The following KLHL5 variants were observed in gnomAD, a reference collection of about 807,000 sequenced individuals.
The protein encoded by KLHL5 is kelch like family member 5, also known as kelch-like protein 5.
KLHL5 carries 48 observed loss-of-function variants against 77.7 expected under a neutral mutation model. That is an observed-to-expected ratio of 0.62 (90% confidence interval 0.49 to 0.79). The LOEUF is 0.79. KLHL5 is among the 30% of genes least tolerant of loss of function. The pLI is 0.00. For synonymous variants in KLHL5, 260 were observed against 297.0 expected, an observed-to-expected ratio of 0.88 and a Z score of 1.28; for missense variants, 723 against 859.7, an observed-to-expected ratio of 0.84 and a Z score of 1.99.
Position 39,086,736 on chromosome 4 carries a change from T to C in KLHL5, c.1113+9T>C. 1 of 1,592,020 alleles carries C rather than the reference T, an allele frequency of 6.3e-7. No homozygotes were observed. The highest frequency in any genetic ancestry group is 8.6e-7 in the Non-Finnish European group (1 of 1,160,170). On this transcript the variant is annotated intron_variant, in intron 5 of 10. Coordinates refer to ENST00000504108, the MANE Select transcript of KLHL5 (RefSeq NM_015990.5). ...CTCTTCTTGCACCACAGGTAATTAATAGGCACTTGTTTATAGGAATTTTTC... is the reference window on the plus strand; with the variant it reads ...CTCTTCTTGCACCACAGGTAATTAACAGGCACTTGTTTATAGGAATTTTTC...
At chr4:39,062,169 A>G (rs1161812184), upstream of KLHL5, 3 of 820,888 alleles carry the variant, frequency 3.7e-6, no homozygotes, top group Non-Finnish European at 4.5e-6. Context: ...GGGAAATGCT[A>G]TAGAATACAT....
chr4:39,142,548 T>C, the KLHL5 span, among the ~76,000 whole-genome samples: 1 of 152,184 alleles, frequency 6.6e-6, no homozygotes, highest in African/African-American at 2.4e-5. Context: ...ACTCATCCTA[T>C]GATCCAGCAA....
chr4:39,114,641 A>C (rs1330233419), intron 9 of KLHL5, among the ~76,000 whole-genome samples: 4 of 152,208 alleles, frequency 2.6e-5, no homozygotes, highest in Non-Finnish European at 5.9e-5. Context: ...AAGTGTTTAT[A>C]TACTTGGCCC....
upstream of KLHL5, among the ~76,000 whole-genome samples, chr4:39,061,006 T>G (rs149430805): frequency 6.8e-4 from 104 of 152,318 alleles, no homozygotes; most frequent in African/African-American, 2.4e-3. Flanking sequence ...TATGCCCACT[T>G]CATGCTTTTA....
At chr4:39,073,833 T>C (rs926230430) in intron 1 of KLHL5, among the ~76,000 whole-genome samples, 3 of 150,462 alleles carry the variant, frequency 2.0e-5, no homozygotes, top group Non-Finnish European at 4.4e-5. Context: ...TTTTTATTTT[T>C]TTTTTTGTAT....
chr4:39,114,764 T>A (rs1334377581), intron 9 of KLHL5, among the ~76,000 whole-genome samples: 1 of 152,172 alleles, frequency 6.6e-6, no homozygotes, highest in Non-Finnish European at 1.5e-5. Flanking sequence ...CTCTTAGCTA[T>A]ACAACTTTGG....
chr4:39,127,415 G>A (rs373682781), downstream of KLHL5, among the ~76,000 whole-genome samples: 135 of 152,178 alleles, frequency 8.9e-4, no homozygotes, highest in African/African-American at 2.6e-3. Context: ...CAAAAAGGAC[G>A]TAGAGTAAAT....
intron 5 of KLHL5, 34 bp from the exon 6 acceptor site, chr4:39,096,658 T>G (rs375932552): frequency 7.2e-7 from 1 of 1,397,278 alleles, no homozygotes; most frequent in Non-Finnish European, 9.8e-7. Context: ...ATTTTCTTAG[T>G]CATTCAGTAT....
At chr4:39,087,704 C>T (rs1303823686) in intron 5 of KLHL5, among the ~76,000 whole-genome samples, 1 of 152,140 alleles carries the variant, frequency 6.6e-6, no homozygotes, top group African/African-American at 2.4e-5. Context: ...AAAATTTTCC[C>T]TGCATACTTT....
intron 1 of KLHL5, among the ~76,000 whole-genome samples, chr4:39,075,723 T>G (rs1349633877): frequency 6.6e-6 from 1 of 152,186 alleles, no homozygotes; most frequent in African/African-American, 2.4e-5. Flanking sequence ...AAAAAGATAC[T>G]ACAAAGAATA....
downstream of KLHL5, among the ~76,000 whole-genome samples, chr4:39,130,193 TA>T (rs575993379): frequency 1.6e-3 from 237 of 152,320 alleles, no homozygotes; most frequent in African/African-American, 5.1e-3. Context: ...CCCACATACT[TA>T]TTAACAGCAA....
rs1723220275 is a variant in KLHL5, at chr4:39,121,699, A to C, written c.*633A>C. The stretch of plus-strand genomic sequence containing the variant: ...TTGATAGGATCTTTGAAGTCTATTT[A>C]AATATTCATTCCATTACATCTAGAC... On this transcript the variant is annotated 3_prime_UTR_variant, in exon 11 of 11. Coordinates refer to ENST00000504108, the MANE Select transcript of KLHL5 (RefSeq NM_015990.5). 6.5e-6 allele frequency: 1 copy of C among 152,716 alleles called. No individual in the cohort carries two copies. Among genetic ancestry groups the C allele is most frequent in the African/African-American group, 2.4e-5 (1 of 41,460 alleles). The allele number at this position is 152,716 out of a possible 1,614,324, so 9.5% of individuals were successfully genotyped here.
chr4:39,135,984 G>T, the KLHL5 span, among the ~76,000 whole-genome samples: 392 of 150,822 alleles, frequency 2.6e-3, 2 homozygotes, highest in African/African-American at 8.6e-3. Context: ...AAAAGGGACA[G>T]TGATTCAATT....
chr4:39,115,479 C>G, intron 10 of KLHL5, 149 bp downstream of exon 10: 1 of 1,508,778 alleles, frequency 6.6e-7, no homozygotes, highest in East Asian at 2.5e-5. Context: ...GAAAAAGAGG[C>G]AATGTTTAAT....
the KLHL5 span, among the ~76,000 whole-genome samples, chr4:39,132,822 A>T: frequency 1.3e-5 from 2 of 152,224 alleles, no homozygotes; most frequent in Admixed American, 1.3e-4. Flanking sequence ...TGTTCATTTC[A>T]TTACACTAAG....
rs1717551805 is a variant in KLHL5, at chr4:39,062,800, G to A, written c.148G>A (p.Gly50Arg). Residue 50 changes from glycine to arginine, a missense_variant, in exon 1 of 11, where the codon GGG becomes AGG. This residue lies in a region of KLHL5 where 221 missense variants were observed against 222.1 expected (regional missense o/e 1.00). Coordinates refer to ENST00000504108, the MANE Select transcript of KLHL5 (RefSeq NM_015990.5). ...CCGAGGACAGACTGGAGCAAACGGTGGGAGAAAGTTTTTAGATCCATGTAG... is the reference window on the plus strand; with the variant it reads ...CCGAGGACAGACTGGAGCAAACGGTAGGAGAAAGTTTTTAGATCCATGTAG... Reference protein sequence around the residue: ...WNRGQTGANGGRKFLDPCSLQ... With the variant: ...WNRGQTGANGRRKFLDPCSLQ... 2 of 1,614,090 alleles carry A rather than the reference G, an allele frequency of 1.2e-6. No homozygotes were observed. Among genetic ancestry groups the A allele is most frequent in the Non-Finnish European group, 1.7e-6 (2 of 1,179,984 alleles).
At chr4:39,128,227 T>C (rs1172636257), downstream of KLHL5, among the ~76,000 whole-genome samples, 1 of 152,216 alleles carries the variant, frequency 6.6e-6, no homozygotes, top group Non-Finnish European at 1.5e-5. Context: ...CCACTAATTA[T>C]TCATTGAATA....
chr4:39,065,602 C>T lies in KLHL5; in HGVS notation c.383+2567C>T, dbSNP rs528562419. Among the ~76,000 whole-genome samples the T allele has an allele frequency of 9.3e-4, 141 of 152,186 alleles. 1 individual carries two copies. Among genetic ancestry groups the T allele is most frequent in the Admixed American group, 2.4e-3 (36 of 15,286 alleles). On this transcript the variant is annotated intron_variant, in intron 1 of 10. Coordinates refer to ENST00000504108, the MANE Select transcript of KLHL5 (RefSeq NM_015990.5). The stretch of plus-strand genomic sequence containing the variant: ...CTCCTGACCTCAAGTGATCCGCCCA[C>T]GTCCGCCTCCCAAAGTGCTGGGATT...
intron 1 of KLHL5, among the ~76,000 whole-genome samples, chr4:39,049,915 T>G (rs2566110): frequency 0.73 from 110,294 of 151,160 alleles, 40,355 homozygotes; most frequent in East Asian, 0.82. Context: ...CTACTAAAAT[T>G]ACAAAAAATA....
Sources: gnomAD v4.1 joint callset for allele counts (sites outside exome capture counted in the v4.1 genomes callset) on GRCh38, gnomAD v4.1.1 for gene constraint, gnomAD v4.1.1 regional missense constraint, MANE v1.5 for transcripts, NCBI Gene and HGNC (gene_info 2026-07-23, HGNC 2026-07-21) for gene names.